NEK8: variants seen among roughly 807,000 people sequenced by gnomAD.
NEK8 encodes serine/threonine-protein kinase Nek8.
A neutral mutation model predicts 77.2 loss-of-function variants in NEK8; 51 were observed. The observed-to-expected ratio is 0.66, with a 90% CI of 0.53 to 0.83. The LOEUF (loss-of-function observed/expected upper bound fraction) is 0.83, where lower values mean the gene tolerates loss of function less well. NEK8 is among the 40% of genes least tolerant of loss of function. The pLI, the probability that NEK8 is intolerant of heterozygous loss-of-function variation, is 0.00. For missense variants in NEK8, 787 were observed against 909.2 expected (o/e 0.87, Z 1.73); for synonymous variants, 365 against 363.2 (o/e 1.00, Z -0.06).
rs1205381374 is a variant in NEK8, at chr17:28,737,949, G to A, written c.1020G>A (p.Gly340=). The A allele has an allele frequency of 1.2e-6, 2 of 1,612,802 alleles. No homozygotes were observed. The highest frequency in any genetic ancestry group is 1.7e-6 in the Non-Finnish European group (2 of 1,179,268). Residue 340 remains glycine (G), a synonymous_variant, in exon 7 of 15, where the codon GGG becomes GGA. Transcript: ENST00000268766. This position sits in a 1 kb window ranked among gnomAD's most constrained non-coding sequence, Gnocchi z 4.8. ...CAGAGGTGGTCCAGGTGGCAGCTGGGCGCACGCAGAAAGCCGGCGTCACGC... is the reference window on the plus strand; with the variant it reads ...CAGAGGTGGTCCAGGTGGCAGCTGGACGCACGCAGAAAGCCGGCGTCACGC... The part of the protein sequence containing the change: ...LNTEVVQVAA[G]RTQKAGVTRS...
intron 9 of NEK8, 40 bp downstream of exon 9, chr17:28,738,787 A>T (rs2151733348): frequency 6.8e-7 from 1 of 1,476,448 alleles, no homozygotes; most frequent in Non-Finnish European, 9.5e-7. Flanking sequence ...AAGTCGGGGG[A>T]TGGCGGGGAG....
chr17:28,731,388 A>T (rs897234453), intron 1 of NEK8, among the ~76,000 whole-genome samples: 3 of 151,664 alleles, frequency 2.0e-5, no homozygotes, highest in African/African-American at 7.3e-5. Flanking sequence ...AAATAAAAAA[A>T]TTAGCTGGGC....
In NEK8 at chr17:28,737,212, C is replaced by G. The variant is rs1471852855; in HGVS notation, c.619-94C>G. On this transcript the variant is annotated intron_variant, in intron 4 of 14. Transcript: ENST00000268766. This position sits in a 1 kb window ranked among gnomAD's most constrained non-coding sequence, Gnocchi z 4.8. Reference sequence around the variant, plus strand: ...TTTGAAGTCAGGTAGCATGATGCCTCCAGGCAAAGCTGTTATTATCCCAGG... The same window carrying G: ...TTTGAAGTCAGGTAGCATGATGCCTGCAGGCAAAGCTGTTATTATCCCAGG... 5.2e-6 allele frequency: 7 copies of G among 1,339,478 alleles called. No homozygotes were observed. In the African/African-American group the frequency reaches 1.0e-4, roughly 19 times the overall value. The allele number at this position is 1,339,478 out of a possible 1,614,324, so 83.0% of individuals were successfully genotyped here.
chr17:28,742,272 A>G lies in NEK8; in HGVS notation c.*285A>G. ...GAAGGCAGACCTAGCCTTTGGAAGC[A>G]GGGTGGCCTCCAGAGCCTTGCCATA... On this transcript the variant is annotated 3_prime_UTR_variant, in exon 15 of 15. Transcript: ENST00000268766. 1 of 555,568 alleles carries G rather than the reference A, an allele frequency of 1.8e-6. No individual in the cohort carries two copies. The highest frequency in any genetic ancestry group is 3.2e-6 in the Non-Finnish European group (1 of 308,628). The allele number at this position is 555,568 out of a possible 1,614,324, so 34.4% of individuals were successfully genotyped here.
At chr17:28,738,912 A>G (rs540256749) in intron 9 of NEK8, among the ~76,000 whole-genome samples, 165 bp downstream of exon 9, 2 of 152,344 alleles carry the variant, frequency 1.3e-5, no homozygotes, top group Non-Finnish European at 2.9e-5. Flanking sequence ...GAAAGTACAG[A>G]AAAACCAGGC....
chr17:28,741,087 AT>A lies in NEK8; in HGVS notation c.1744del (p.Cys582AlafsTer37). The stretch of plus-strand genomic sequence containing the variant: ...TTCCTCTCCCCCATAGCCTCGGGTG[AT>A]TGCTACACTTTTGGCAGCAATCAGC... ...AHSAAVTASGDCYTFGSNQHG... is the reference protein window; with the variant it reads ...AHSAAVTASGXCYTFGSNQHG... On this transcript the variant is annotated frameshift_variant, in exon 13 of 15. Transcript: ENST00000268766. LOFTEE classifies it high-confidence loss of function. This position sits in a 1 kb window ranked among gnomAD's most constrained non-coding sequence, Gnocchi z 4.5. 1 of 1,614,120 alleles carries A rather than the reference AT, an allele frequency of 6.2e-7. No homozygotes were observed. Among genetic ancestry groups the A allele is most frequent in the Non-Finnish European group, 8.5e-7 (1 of 1,180,022 alleles).
intron 8 of NEK8, among the ~76,000 whole-genome samples, 172 bp downstream of exon 8, chr17:28,738,417 C>T (rs913656130): frequency 3.3e-5 from 5 of 152,218 alleles, no homozygotes; most frequent in African/African-American, 4.8e-5. Context: ...CTTTACCCTA[C>T]GGACAGGCCT....
Position 28,741,058 on chromosome 17 carries a change from T to C in NEK8, c.1733-20T>C. The C allele has an allele frequency of 1.2e-6, 2 of 1,614,152 alleles. No individual in the cohort carries two copies. Among genetic ancestry groups the C allele is most frequent in the Non-Finnish European group, 1.7e-6 (2 of 1,180,022 alleles). The stretch of plus-strand genomic sequence containing the variant: ...CTTGGTACCCTGTTGAAGCACCCCT[T>C]TCCTTCCTCTCCCCCATAGCCTCGG... On this transcript the variant is annotated intron_variant, in intron 12 of 14. Transcript: ENST00000268766. The surrounding 1 kb of genome is among the most constrained non-coding windows in gnomAD (Gnocchi z 4.5).
In NEK8 at chr17:28,741,979, C is replaced by T. The variant is rs763398390; in HGVS notation, c.2071C>T (p.Pro691Ser). ...AVRSVTDEPV[P>S]P is the part of the protein sequence containing the mutation. Reference sequence around the variant, plus strand: ...TCCAGCGGTCACAGATGAGCCGGTCCCCCCCTGAGGCACCCGGATTCACCT... The same window carrying T: ...TCCAGCGGTCACAGATGAGCCGGTCTCCCCCTGAGGCACCCGGATTCACCT... Residue 691 changes from proline (P) to serine (S), a missense_variant, in exon 15 of 15, where the codon CCC becomes TCC. Transcript: ENST00000268766. This position sits in a 1 kb window ranked among gnomAD's most constrained non-coding sequence, Gnocchi z 4.5. The T allele has an allele frequency of 1.2e-5, 20 of 1,614,004 alleles. No individual in the cohort carries two copies. In the Admixed American group the frequency reaches 2.0e-4, roughly 16 times the overall value.
chr17:28,735,971 C>T (rs1268501921), intron 4 of NEK8, among the ~76,000 whole-genome samples: 1 of 144,916 alleles, frequency 6.9e-6, no homozygotes, highest in Admixed American at 7.0e-5. Flanking sequence ...GTTCCCCTTC[C>T]TGTGTCCATG....
intron 8 of NEK8, among the ~76,000 whole-genome samples, 163 bp downstream of exon 8, chr17:28,738,408 T>G (rs1302433442): frequency 1.3e-5 from 2 of 152,202 alleles, no homozygotes; most frequent in Non-Finnish European, 1.5e-5. Context: ...TACAACCTCC[T>G]TTACCCTACG....
rs147093042 is a variant in NEK8 at position 28,733,734 on chromosome 17, C to CA, written c.48-248dup. Reference sequence around the variant, plus strand: ...AAGAGGAGGCACCCAGATTTGAACCCAGGCAGTCTGTGGGAACTTAGAGAT... The same window carrying CA: ...AAGAGGAGGCACCCAGATTTGAACCCAAGGCAGTCTGTGGGAACTTAGAGAT... On this transcript the variant is annotated intron_variant, in intron 1 of 14. Coordinates refer to ENST00000268766, the MANE Select transcript of NEK8 (RefSeq NM_178170.3). 2.3e-3 allele frequency among the ~76,000 whole-genome samples: 354 copies of CA among 152,314 alleles called. 3 individuals carry two copies. Among genetic ancestry groups the CA allele is most frequent in the African/African-American group, 8.1e-3 (336 of 41,558 alleles).
At chr17:28,738,463 G>A (rs547101002) in intron 8 of NEK8, among the ~76,000 whole-genome samples, 1 of 152,284 alleles carries the variant, frequency 6.6e-6, no homozygotes, top group East Asian at 1.9e-4. Context: ...CATTTGACAA[G>A]TGGGGACGCT....
intron 1 of NEK8, 120 bp downstream of exon 1, chr17:28,728,980 C>G: frequency 1.1e-6 from 1 of 947,628 alleles, no homozygotes; most frequent in Non-Finnish European, 1.6e-6. Flanking sequence ...CTCTGGGAAG[C>G]CCCGCCCAAG....
chr17:28,740,755 C>A lies in NEK8; in HGVS notation c.1569-67C>A. The A allele has an allele frequency of 6.3e-7, 1 of 1,598,008 alleles. No individual in the cohort carries two copies. Among genetic ancestry groups the A allele is most frequent in the Non-Finnish European group, 8.6e-7 (1 of 1,167,074 alleles). On this transcript the variant is annotated intron_variant, in intron 11 of 14. Coordinates refer to ENST00000268766, the MANE Select transcript of NEK8 (RefSeq NM_178170.3). The surrounding 1 kb of genome is among the most constrained non-coding windows in gnomAD (Gnocchi z 4.7). ...TGGTTCAACCCAGGGTGGGATCTGTCTCCTGGTGCACCAGCTCCTGCCCAA... is the reference window on the plus strand; with the variant it reads ...TGGTTCAACCCAGGGTGGGATCTGTATCCTGGTGCACCAGCTCCTGCCCAA...
chr17:28,735,425 C>T, intron 4 of NEK8, 54 bp downstream of exon 4: 2 of 1,582,630 alleles, frequency 1.3e-6, no homozygotes, highest in East Asian at 2.3e-5. Flanking sequence ...CCTCGCCCAG[C>T]AGCCCTTGGC....
chr17:28,742,552 CAA>C lies in NEK8; in HGVS notation c.*580_*581del, dbSNP rs965911942. The C allele has an allele frequency of 6.3e-4, 61 of 96,868 alleles. No individual in the cohort carries two copies. The highest frequency in any genetic ancestry group is 5.8e-3 in the Middle Eastern group (1 of 172). 6.0% of individuals were successfully genotyped at this position (96,868 alleles called of 1,614,324 possible). A position where few individuals can be genotyped will look rare whatever the true frequency, so the allele number is the denominator to read the frequency against. ...TGGGCGACAGAACCAGACTCCGTCTCAAAAAAAAAAAAAAAACAAAAAAGGCT... is the reference window on the plus strand; with the variant it reads ...TGGGCGACAGAACCAGACTCCGTCTCAAAAAAAAAAAAAACAAAAAAGGCT... On this transcript the variant is annotated 3_prime_UTR_variant, in exon 15 of 15. Coordinates refer to ENST00000268766, the MANE Select transcript of NEK8 (RefSeq NM_178170.3).
chr17:28,740,312 AG>A lies in NEK8; in HGVS notation c.1418-149del, dbSNP rs2034408078. On this transcript the variant is annotated intron_variant, in intron 10 of 14. Coordinates refer to ENST00000268766, the MANE Select transcript of NEK8 (RefSeq NM_178170.3). The surrounding 1 kb of genome is among the most constrained non-coding windows in gnomAD (Gnocchi z 4.7). ...AAATAAAAATAAAAAATAAAGAAGGAGGATTTTAACCAGCAGAGGGGCCTAG... is the reference window on the plus strand; with the variant it reads ...AAATAAAAATAAAAAATAAAGAAGGAGATTTTAACCAGCAGAGGGGCCTAG... 2 of 676,042 alleles carry A rather than the reference AG, an allele frequency of 3.0e-6. No individual in the cohort carries two copies. The highest frequency in any genetic ancestry group is 5.3e-6 in the Non-Finnish European group (2 of 377,590). The allele number at this position is 676,042 out of a possible 1,614,324, so 41.9% of individuals were successfully genotyped here. A position where few individuals can be genotyped will look rare whatever the true frequency, so the allele number is the denominator to read the frequency against.
At chr17:28,735,418 C>A in intron 4 of NEK8, 47 bp downstream of exon 4, 3 of 1,593,052 alleles carry the variant, frequency 1.9e-6, no homozygotes, top group East Asian at 4.5e-5. Flanking sequence ...TCTACTGCCT[C>A]GCCCAGCAGC....
Sources: gnomAD v4.1 joint callset for allele counts (sites outside exome capture counted in the v4.1 genomes callset) on GRCh38, gnomAD v4.1.1 for gene constraint, Gnocchi (gnomAD v3.1) non-coding constraint, MANE v1.5 for transcripts, NCBI Gene and HGNC (gene_info 2026-07-23, HGNC 2026-07-21) for gene names.